Variants in CEP44 observed in about 807,000 individuals in gnomAD.
CEP44 encodes the protein centrosomal protein of 44 kDa.
CEP44 carries 45 observed loss-of-function variants against 46.7 expected under a neutral mutation model. The ratio of observed to expected loss-of-function variants is 0.96; its 90% CI spans 0.76 to 1.24. The LOEUF is 1.24. CEP44 is among the 50% of genes most tolerant of loss of function. CEP44 has a pLI of 0.00. For synonymous variants in CEP44, 142 were observed against 146.0 expected, an observed-to-expected ratio of 0.97 and a Z score of 0.20; for missense variants, 475 against 459.7, an observed-to-expected ratio of 1.03 and a Z score of -0.30.
At chr4:174,317,142 A>G (rs533043387) in intron 11 of CEP44, among the ~76,000 whole-genome samples, 193 bp from the exon 12 acceptor site, 21 of 152,184 alleles carry the variant, frequency 1.4e-4, no homozygotes, top group African/African-American at 4.6e-4. Context: ...TTACACTTCA[A>G]GAATATGACT....
intron 1 of CEP44, among the ~76,000 whole-genome samples, chr4:174,289,766 T>G (rs1445668630): frequency 6.6e-6 from 1 of 152,136 alleles, no homozygotes; most frequent in African/African-American, 2.4e-5. Context: ...TTCTTCCTTC[T>G]GCTAATTTTG....
intron 1 of CEP44, among the ~76,000 whole-genome samples, chr4:174,294,355 T>TG (rs1738596583): frequency 6.6e-6 from 1 of 151,960 alleles, no homozygotes; most frequent in Admixed American, 6.6e-5. Flanking sequence ...AGCACAGGGT[T>TG]GGGGGTAGGG....
At chr4:174,306,253 A>C (rs1740385660) in intron 6 of CEP44, among the ~76,000 whole-genome samples, 1 of 152,158 alleles carries the variant, frequency 6.6e-6, no homozygotes, top group African/African-American at 2.4e-5. Context: ...TGTCATTATT[A>C]GGTTTGAATT....
rs1256751558 is a variant in CEP44 at position 174,319,471 on chromosome 4, C to T, written c.*2088C>T. 1 of 963,820 alleles carries T rather than the reference C, an allele frequency of 1.0e-6. No homozygotes were observed. Among genetic ancestry groups the T allele is most frequent in the Admixed American group, 6.2e-5 (1 of 16,220 alleles). 59.7% of individuals were successfully genotyped at this position (963,820 alleles called of 1,614,324 possible). ...TGAAAAATTCAATTTTAAAAAGAAA[C>T]ATTTTTGAAGTTTTCTTATGGAAGA... On this transcript the variant is annotated 3_prime_UTR_variant, in exon 12 of 12. Coordinates refer to ENST00000503780, the MANE Select transcript of CEP44 (RefSeq NM_001040157.3).
At chr4:174,313,842 TG>T (rs1433034965) in intron 9 of CEP44, among the ~76,000 whole-genome samples, 1 of 152,116 alleles carries the variant, frequency 6.6e-6, no homozygotes, top group Non-Finnish European at 1.5e-5. Context: ...GGTAGGTGAT[TG>T]TTACTCTTTA....
chr4:174,307,228 T>A lies in CEP44; in HGVS notation c.508-1461T>A, dbSNP rs191297172. Among the ~76,000 whole-genome samples, 17 of 152,180 alleles carry A rather than the reference T, an allele frequency of 1.1e-4. 1 individual carries two copies. The highest frequency in any genetic ancestry group is 7.2e-4 in the Admixed American group (11 of 15,280). On this transcript the variant is annotated intron_variant, in intron 6 of 11. Transcript: ENST00000503780. Reference sequence around the variant, plus strand: ...TTCAAACTATACTACAGGGCTACAGTAACCAAAACATCATGGTACTAGTAC... The same window carrying A: ...TTCAAACTATACTACAGGGCTACAGAAACCAAAACATCATGGTACTAGTAC...
intron 1 of CEP44, among the ~76,000 whole-genome samples, chr4:174,295,104 C>T (rs1255060378): frequency 5.3e-5 from 8 of 150,062 alleles, no homozygotes; most frequent in African/African-American, 1.2e-4. Context: ...CCCTCCCGGA[C>T]GGGGCGGCTG....
At position 174,288,078 on chromosome 4, in the gene CEP44, GT is replaced by G. The variant is rs1737764625; in HGVS notation, c.-148+4136del. Among the ~76,000 whole-genome samples, 1 of 152,186 alleles carries G rather than the reference GT, an allele frequency of 6.6e-6. No homozygotes were observed. Among genetic ancestry groups the G allele is most frequent in the African/African-American group, 2.4e-5 (1 of 41,456 alleles). On this transcript the variant is annotated intron_variant, in intron 1 of 11. Transcript: ENST00000503780. This position sits in a 1 kb window ranked among gnomAD's most constrained non-coding sequence, Gnocchi z 4.6. ...ATACAAAGGGACTATTTTTAGAGGTGTGTGTACAGGGATCTGGTGCTGCTTC... is the reference window on the plus strand; with the variant it reads ...ATACAAAGGGACTATTTTTAGAGGTGGTGTACAGGGATCTGGTGCTGCTTC...
At chr4:174,302,854 C>T (rs1346856852) in intron 4 of CEP44, among the ~76,000 whole-genome samples, 1 of 150,806 alleles carries the variant, frequency 6.6e-6, no homozygotes, top group Non-Finnish European at 1.5e-5. Context: ...GATCTAGGCT[C>T]ACTGCAGTCT....
Position 174,329,643 on chromosome 4 carries a change from A to G in CEP44, c.1087-1839A>G, listed in dbSNP as rs949314232. On this transcript the variant is annotated intron_variant, in intron 8 of 8. Coordinates refer to the CEP44 transcript ENST00000426172. This position sits in a 1 kb window ranked among gnomAD's most constrained non-coding sequence, Gnocchi z 4.0. Reference sequence around the variant, plus strand: ...GTTATGCTTTGAGAAACCAAAGGGGAAAAGTTCAAAAGGTACTTCATAACT... The same window carrying G: ...GTTATGCTTTGAGAAACCAAAGGGGGAAAGTTCAAAAGGTACTTCATAACT... 6.6e-6 allele frequency among the ~76,000 whole-genome samples: 1 copy of G among 152,192 alleles called. No individual in the cohort carries two copies. Among genetic ancestry groups the G allele is most frequent in the Non-Finnish European group, 1.5e-5 (1 of 68,020 alleles).
Position 174,310,067 on chromosome 4 carries a change from C to A in CEP44, c.885+11C>A, listed in dbSNP as rs1009523898. On this transcript the variant is annotated intron_variant, in intron 8 of 11. Transcript: ENST00000503780. The surrounding 1 kb of genome is among the most constrained non-coding windows in gnomAD (Gnocchi z 4.2). ...CTTTTGTCTAAAAAGGTATTTTCCTCCTTTAACATTTATAAAATATCTCAG... is the reference window on the plus strand; with the variant it reads ...CTTTTGTCTAAAAAGGTATTTTCCTACTTTAACATTTATAAAATATCTCAG... The A allele has an allele frequency of 3.1e-6, 5 of 1,598,912 alleles. No individual in the cohort carries two copies. Among genetic ancestry groups the A allele is most frequent in the Non-Finnish European group, 4.3e-6 (5 of 1,174,034 alleles).
intron 3 of CEP44, among the ~76,000 whole-genome samples, chr4:174,300,371 A>G (rs1177034338): frequency 1.3e-5 from 2 of 152,240 alleles, no homozygotes; most frequent in South Asian, 4.1e-4. Context: ...AATCATCTTG[A>G]TTCCTCAAAA....
rs1934069472 is a variant in CEP44 at position 174,318,345 on chromosome 4, T to C, written c.*962T>C. 2 of 985,182 alleles carry C rather than the reference T, an allele frequency of 2.0e-6. No homozygotes were observed. The highest frequency in any genetic ancestry group is 1.7e-5 in the African/African-American group (1 of 57,174). The allele number at this position is 985,182 out of a possible 1,614,324, so 61.0% of individuals were successfully genotyped here. ...CCGGCGTAACACTTTTTAAGACCAG[T>C]GTAACAGAAAGAGAATGTAGCCATT... On this transcript the variant is annotated 3_prime_UTR_variant, in exon 12 of 12. Coordinates refer to ENST00000503780, the MANE Select transcript of CEP44 (RefSeq NM_001040157.3).
chr4:174,291,787 C>CTTTTTTTTTTTTTTTTTTTTTTT (rs56201469), intron 1 of CEP44, among the ~76,000 whole-genome samples: 1 of 46,394 alleles, frequency 2.2e-5, no homozygotes, highest in Non-Finnish European at 3.9e-5. Flanking sequence ...TTTTTCTTTT[C>CTTTTTTTTTTTTTTTTTTTTTTT]TTTTTTTTTT....
rs1268351475 is a variant in CEP44 at position 174,319,788 on chromosome 4, A to G, written c.*2405A>G. 3 of 944,420 alleles carry G rather than the reference A, an allele frequency of 3.2e-6. No individual in the cohort carries two copies. The African/African-American group carries it at 5.3e-5, about 17-fold the overall frequency. The allele number at this position is 944,420 out of a possible 1,614,324, so 58.5% of individuals were successfully genotyped here. Reference sequence around the variant, plus strand: ...ACTTACAAAGAGTCTTTATCTAGACAACATAATTTTTGGAAAAATAAAGCA... The same window carrying G: ...ACTTACAAAGAGTCTTTATCTAGACGACATAATTTTTGGAAAAATAAAGCA... On this transcript the variant is annotated 3_prime_UTR_variant, in exon 12 of 12. Coordinates refer to ENST00000503780, the MANE Select transcript of CEP44 (RefSeq NM_001040157.3).
intron 9 of CEP44, among the ~76,000 whole-genome samples, chr4:174,313,176 C>T (rs1190809481): frequency 6.6e-6 from 1 of 151,968 alleles, no homozygotes; most frequent in Admixed American, 6.6e-5. Context: ...TGTCTATGTT[C>T]GGACATGAAT....
At chr4:174,330,942 A>G (rs1346485158) in intron 8 of CEP44, among the ~76,000 whole-genome samples, 1 of 152,216 alleles carries the variant, frequency 6.6e-6, no homozygotes, top group Non-Finnish European at 1.5e-5. Flanking sequence ...GTTCGTTAAT[A>G]TAAAAAGTAC....
Position 174,329,053 on chromosome 4 carries a change from C to CGGAG in CEP44, c.1087-2429_1087-2428insGGAG, listed in dbSNP as rs1731171993. On this transcript the variant is annotated intron_variant, in intron 8 of 8. Coordinates refer to the CEP44 transcript ENST00000426172. The surrounding 1 kb of genome is among the most constrained non-coding windows in gnomAD (Gnocchi z 4.0). ...CCTAGAACCCCTTGGCTCAAGCAAT[C>CGGAG]CTCCCACAGCAGCCACGTGAGTAGC... Among the ~76,000 whole-genome samples the CGGAG allele has an allele frequency of 6.6e-6, 1 of 152,090 alleles. No homozygotes were observed. The highest frequency in any genetic ancestry group is 2.1e-4 in the South Asian group (1 of 4,822).
At chr4:174,295,031 T>C (rs1738771887) in intron 1 of CEP44, among the ~76,000 whole-genome samples, 1 of 135,784 alleles carries the variant, frequency 7.4e-6, no homozygotes, top group Admixed American at 7.2e-5. Flanking sequence ...GGCGGGGGGC[T>C]GACCCCCCCA....
Sources: allele counts gnomAD v4.1 joint callset (sites outside exome capture counted in the v4.1 genomes callset), GRCh38; gene constraint gnomAD v4.1.1; non-coding constraint Gnocchi (gnomAD v3.1); transcripts MANE v1.5; gene names NCBI Gene and HGNC (gene_info 2026-07-23, HGNC 2026-07-21).